ACSBG1: variants seen among roughly 807,000 people sequenced by gnomAD.
The protein encoded by ACSBG1 is acyl-CoA synthetase bubblegum family member 1.
A neutral mutation model predicts 80.2 loss-of-function variants in ACSBG1; 39 were observed. The ratio of observed to expected loss-of-function variants is 0.49; its 90% CI spans 0.38 to 0.64. The LOEUF (loss-of-function observed/expected upper bound fraction) is 0.64, where lower values mean the gene tolerates loss of function less well. ACSBG1 is among the 30% of genes least tolerant of loss of function. The pLI, the probability that ACSBG1 is intolerant of heterozygous loss-of-function variation, is 0.00. For missense variants in ACSBG1, 828 were observed against 966.4 expected, an observed-to-expected ratio of 0.86 and a Z score of 1.90; for synonymous variants, 392 against 379.5, an observed-to-expected ratio of 1.03 and a Z score of -0.38.
At chr15:78,212,541 T>C in intron 1 of ACSBG1, 1 of 455,776 alleles carries the variant, frequency 2.2e-6, no homozygotes, top group Non-Finnish European at 4.4e-6. Context: ...GGGCTCCTTG[T>C]TCCTTACGCA....
At chr15:78,227,875 A>G (rs1438099756) in intron 1 of ACSBG1, among the ~76,000 whole-genome samples, 4 of 152,232 alleles carry the variant, frequency 2.6e-5, no homozygotes, top group Non-Finnish European at 5.9e-5. Flanking sequence ...GAGTGCAAGG[A>G]GCCAGACAAG....
chr15:78,207,762 C>A (rs1443667875), intron 2 of ACSBG1: 5 of 542,434 alleles, frequency 9.2e-6, no homozygotes, highest in Non-Finnish European at 1.7e-5. Flanking sequence ...TCTCTTCTTC[C>A]CAGCTTTCTT....
intron 1 of ACSBG1, chr15:78,212,709 C>T (rs945742548): frequency 5.6e-5 from 23 of 411,886 alleles, no homozygotes; most frequent in African/African-American, 2.4e-4. Flanking sequence ...CAGAGAGGCC[C>T]GGCTCCACCG....
intron 2 of ACSBG1, among the ~76,000 whole-genome samples, chr15:78,198,423 TG>T (rs2075134696): frequency 6.6e-6 from 1 of 152,120 alleles, no homozygotes; most frequent in Admixed American, 6.5e-5. Context: ...CTTGGCTCAC[TG>T]CAACCTCTGC....
chr15:78,173,657 C>T lies in ACSBG1; in HGVS notation c.2025G>A (p.Arg675=). The change falls in exon 13 of 14, where the codon CGG becomes CGA. Residue 675 remains arginine (R), a synonymous_variant. Transcript: ENST00000258873. The stretch of plus-strand genomic sequence containing the variant: ...TGGCCCACTTCTGGATGTGGTAGGG[C>T]CGGGCCGCCGCGTTCATGTTGACCC... ...IRRVNMNAAA[R]PYHIQKWAIL... is the part of the protein sequence containing the mutation. 1 of 1,614,224 alleles carries T rather than the reference C, an allele frequency of 6.2e-7. No homozygotes were observed. The highest frequency in any genetic ancestry group is 8.5e-7 in the Non-Finnish European group (1 of 1,180,042).
rs1384225794 is a variant in ACSBG1 at position 78,187,135 on chromosome 15, C to A, written c.664-4350G>T. The stretch of plus-strand genomic sequence containing the variant: ...CAAGACTAAACCAGGAAGAAGTTGA[C>A]TCTCTGAATAGACCAATAACAGGCT... On this transcript the variant is annotated intron_variant, in intron 5 of 13. Coordinates refer to ENST00000258873, the MANE Select transcript of ACSBG1 (RefSeq NM_015162.5). 9.2e-5 allele frequency among the ~76,000 whole-genome samples: 14 copies of A among 152,186 alleles called. No individual in the cohort carries two copies. In the East Asian group the frequency reaches 1.3e-3, roughly 15 times the overall value.
Position 78,194,611 on chromosome 15 carries a change from A to G in ACSBG1, c.348T>C (p.Tyr116=). The G allele has an allele frequency of 1.2e-6, 2 of 1,614,274 alleles. No individual in the cohort carries two copies. The highest frequency in any genetic ancestry group is 1.7e-6 in the Non-Finnish European group (2 of 1,180,040). Residue 116 remains tyrosine, a synonymous_variant, in exon 3 of 14, where the codon TAT becomes TAC. Transcript: ENST00000258873. ...TGAAGCCCAAAGCGATGAGGTCCCCATACTTATCCAGGGCCTCGTAGAACA... is the reference window on the plus strand; with the variant it reads ...TGAAGCCCAAAGCGATGAGGTCCCCGTACTTATCCAGGGCCTCGTAGAACA... ...HRMFYEALDK[Y]GDLIALGFKR...
chr15:78,200,750 A>G (rs1694658038), intron 2 of ACSBG1, among the ~76,000 whole-genome samples: 1 of 152,144 alleles, frequency 6.6e-6, no homozygotes, highest in South Asian at 2.1e-4. Context: ...GACCTTGGGC[A>G]GCCATGACCT....
At chr15:78,212,507 G>A (rs2075275021) in intron 1 of ACSBG1, 2 of 454,428 alleles carry the variant, frequency 4.4e-6, no homozygotes, top group Non-Finnish European at 8.9e-6. Flanking sequence ...GAGACTGGCT[G>A]CGGGGCAGGA....
Position 78,178,884 on chromosome 15 carries a change from C to T in ACSBG1, c.1485-53G>A. ...TCAGAGGGAGCCGTCTCCTCCAAGC[C>T]CCCACTGGGGAGCCGGGGTCCCAAC... On this transcript the variant is annotated intron_variant, in intron 10 of 13. Coordinates refer to ENST00000258873, the MANE Select transcript of ACSBG1 (RefSeq NM_015162.5). This position sits in a 1 kb window ranked among gnomAD's most constrained non-coding sequence, Gnocchi z 4.3. 1.3e-6 allele frequency: 2 copies of T among 1,536,736 alleles called. No individual in the cohort carries two copies. The highest frequency in any genetic ancestry group is 2.4e-5 in the East Asian group (1 of 41,698).
In ACSBG1 at chr15:78,178,786, C is replaced by T. The variant is rs747975187; in HGVS notation, c.1530G>A (p.Gln510=). Residue 510 remains glutamine, a synonymous_variant, in exon 11 of 14, where the codon CAG becomes CAA. Transcript: ENST00000258873. This position sits in a 1 kb window ranked among gnomAD's most constrained non-coding sequence, Gnocchi z 4.3. ...AGATCTCGCCAATGCCCTCTGCGTC[C>T]TGGTTCACCAGCTTCACCCGACAGC... The part of the protein sequence containing the change: ...VPGCRVKLVN[Q]DAEGIGEICL... 4.3e-6 allele frequency: 7 copies of T among 1,613,898 alleles called. No individual in the cohort carries two copies. Among genetic ancestry groups the T allele is most frequent in the South Asian group, 1.1e-5 (1 of 91,088 alleles).
intron 1 of ACSBG1, among the ~76,000 whole-genome samples, chr15:78,225,082 C>CAAGA (rs146551564): frequency 0.015 from 2,219 of 152,220 alleles, 51 homozygotes; most frequent in African/African-American, 0.05. Flanking sequence ...ATACTAACAG[C>CAAGA]AACTGACTAG....
At chr15:78,183,000 T>C in intron 5 of ACSBG1, 1 of 590,910 alleles carries the variant, frequency 1.7e-6, no homozygotes, top group Non-Finnish European at 3.0e-6. Context: ...GGACTGGGGA[T>C]GACTCCCCAT....
intron 1 of ACSBG1, among the ~76,000 whole-genome samples, chr15:78,231,861 T>C (rs758308266): frequency 2.6e-5 from 4 of 152,230 alleles, no homozygotes; most frequent in Non-Finnish European, 5.9e-5. Context: ...AGTGCTAGAA[T>C]TACAGGCATG....
At chr15:78,176,438 C>T (rs2074883430) in intron 11 of ACSBG1, among the ~76,000 whole-genome samples, 1 of 151,642 alleles carries the variant, frequency 6.6e-6, no homozygotes, top group African/African-American at 2.4e-5. Context: ...AAATGATCCA[C>T]AAAAGGTCAT....
At chr15:78,208,149 G>C (rs867476345) in intron 1 of ACSBG1, 47 bp from the exon 2 acceptor site, 8 of 1,497,314 alleles carry the variant, frequency 5.3e-6, no homozygotes, top group Middle Eastern at 1.8e-4. Context: ...GAACGTGGGG[G>C]ACCGGCCTGG....
intron 2 of ACSBG1, among the ~76,000 whole-genome samples, chr15:78,201,842 A>G (rs906019328): frequency 4.6e-5 from 7 of 152,202 alleles, no homozygotes; most frequent in Non-Finnish European, 1.0e-4. Context: ...AGCCTTGGAC[A>G]TTGGCCCTGC....
chr15:78,179,711 T>A lies in ACSBG1; in HGVS notation c.1323A>T (p.Gly441=). The A allele has an allele frequency of 6.2e-7, 1 of 1,614,074 alleles. No homozygotes were observed. Among genetic ancestry groups the A allele is most frequent in the Non-Finnish European group, 8.5e-7 (1 of 1,180,020 alleles). The change falls in exon 10 of 14, where the codon GGA becomes GGT. Residue 441 remains glycine, a synonymous_variant. Coordinates refer to ENST00000258873, the MANE Select transcript of ACSBG1 (RefSeq NM_015162.5). Reference sequence around the variant, plus strand: ...AGAAGTTCTTTTGACACTTGGCAAATCCCAGTGCCTGGCGAACCTTGGCTA... The same window carrying A: ...AGAAGTTCTTTTGACACTTGGCAAAACCCAGTGCCTGGCGAACCTTGGCTA... ...LVLAKVRQAL[G]FAKCQKNFYG... is the part of the protein sequence containing the mutation.
chr15:78,207,856 C>A, intron 2 of ACSBG1, 146 bp downstream of exon 2: 2 of 666,380 alleles, frequency 3.0e-6, no homozygotes, highest in South Asian at 1.8e-5. Flanking sequence ...TTGGTGGGGT[C>A]CCTGGGAGCG....
Sources: allele counts gnomAD v4.1 joint callset (sites outside exome capture counted in the v4.1 genomes callset), GRCh38; gene constraint gnomAD v4.1.1; non-coding constraint Gnocchi (gnomAD v3.1); transcripts MANE v1.5; gene names NCBI Gene and HGNC (gene_info 2026-07-23, HGNC 2026-07-21).